The following CDKAL1 variants were observed in gnomAD, a reference collection of about 807,000 sequenced individuals.
The protein encoded by CDKAL1 is CDKAL1 threonylcarbamoyladenosine tRNA methylthiotransferase.
Under a neutral mutation model 68.2 loss-of-function variants are expected in CDKAL1, and 32 were observed. The observed-to-expected ratio is 0.47, with a 90% CI of 0.35 to 0.63. CDKAL1 has a LOEUF of 0.63. Ranked by LOEUF, CDKAL1 falls within the 30% of genes least tolerant of loss-of-function variation. The pLI is 0.00. For missense variants in CDKAL1, 606 were observed against 696.7 expected (o/e 0.87, Z 1.47); for synonymous variants, 234 against 244.3 (o/e 0.96, Z 0.39).
chr6:20,776,104 A>T (rs555244181), intron 7 of CDKAL1, among the ~76,000 whole-genome samples: 6 of 152,276 alleles, frequency 3.9e-5, no homozygotes, highest in African/African-American at 1.4e-4. Context: ...CTTTATTTGC[A>T]TGTAGATAGT....
At chr6:20,989,937 GAAT>G (rs941050253) in intron 10 of CDKAL1, among the ~76,000 whole-genome samples, 1 of 152,026 alleles carries the variant, frequency 6.6e-6, no homozygotes, top group African/African-American at 2.4e-5. Context: ...TAACAGAGCA[GAAT>G]AATAATTTAA....
At chr6:21,217,282 G>A (rs575597077) in intron 15 of CDKAL1, among the ~76,000 whole-genome samples, 76 of 122,888 alleles carry the variant, frequency 6.2e-4, no homozygotes, top group Non-Finnish European at 1.0e-3. Flanking sequence ...TTGATGTTTA[G>A]GATTTCTTTT....
intron 9 of CDKAL1, among the ~76,000 whole-genome samples, chr6:20,919,873 C>G (rs1762871795): frequency 6.6e-6 from 1 of 152,130 alleles, no homozygotes; most frequent in South Asian, 2.1e-4. Context: ...ACCAACAAAC[C>G]TAAGTTCTGA....
At chr6:20,913,184 A>C in intron 9 of CDKAL1, among the ~76,000 whole-genome samples, 1 of 150,744 alleles carries the variant, frequency 6.6e-6, no homozygotes, top group African/African-American at 2.5e-5. Flanking sequence ...GAAGCTTAAA[A>C]CAACCCATAT....
chr6:21,155,121 A>G (rs1345653223), intron 13 of CDKAL1, among the ~76,000 whole-genome samples: 1 of 152,056 alleles, frequency 6.6e-6, no homozygotes, highest in African/African-American at 2.4e-5. Flanking sequence ...TACCACATTT[A>G]TTACAATATA....
chr6:20,695,114 G>T (rs994988773), intron 5 of CDKAL1, among the ~76,000 whole-genome samples: 1 of 151,868 alleles, frequency 6.6e-6, no homozygotes, highest in East Asian at 1.9e-4. Flanking sequence ...TTAATGCAGT[G>T]CTGCTGCTTT....
At chr6:20,730,427 GAAGAAAGAAAGAGAAAGAA>G (rs1772860266) in intron 5 of CDKAL1, among the ~76,000 whole-genome samples, 1 of 139,138 alleles carries the variant, frequency 7.2e-6, no homozygotes, top group Non-Finnish European at 1.6e-5. Flanking sequence ...GAAAAGAAAG[GAAGAAAGAAAGAGAAAGAA>G]AAGAAAGAAA....
chr6:20,814,024 G>A (rs1356548389), intron 8 of CDKAL1, among the ~76,000 whole-genome samples: 1 of 151,834 alleles, frequency 6.6e-6, no homozygotes, highest in Non-Finnish European at 1.5e-5. Flanking sequence ...GGGAGAATTG[G>A]CATCTTTACA....
chr6:20,879,757 A>G (rs1369134809), intron 9 of CDKAL1, among the ~76,000 whole-genome samples: 3 of 152,058 alleles, frequency 2.0e-5, no homozygotes, highest in Admixed American at 6.6e-5. Flanking sequence ...TCTGGTTCCT[A>G]TTCTGTGTGG....
rs187825139 is a variant in CDKAL1 at position 20,644,460 on chromosome 6, G to A, written c.287-4833G>A. 2.7e-3 allele frequency among the ~76,000 whole-genome samples: 416 copies of A among 152,178 alleles called. 5 individuals carry two copies. The highest frequency in any genetic ancestry group is 9.3e-3 in the African/African-American group (386 of 41,532). On this transcript the variant is annotated intron_variant, in intron 4 of 15. Coordinates refer to ENST00000274695, the MANE Select transcript of CDKAL1 (RefSeq NM_017774.3). ...TGGAAGGCTGAGGTGGGCGGATCAC[G>A]AGATCAGGAGATTGAGACCATCCTG...
rs531591997 is a variant in CDKAL1, at chr6:20,668,466, G to C, written c.371+19089G>C. On this transcript the variant is annotated intron_variant, in intron 5 of 15. Transcript: ENST00000274695. ...TCTGCCTCAGCCTCCTGAGTAGCTGGGACTACAGGCATGTGCTACTGCGCC... is the reference window on the plus strand; with the variant it reads ...TCTGCCTCAGCCTCCTGAGTAGCTGCGACTACAGGCATGTGCTACTGCGCC... 5.3e-5 allele frequency among the ~76,000 whole-genome samples: 8 copies of C among 152,218 alleles called. No homozygotes were observed. The South Asian group carries it at 1.7e-3, about 32-fold the overall frequency.
At chr6:20,793,284 C>T (rs1581591372) in intron 8 of CDKAL1, among the ~76,000 whole-genome samples, 1 of 152,114 alleles carries the variant, frequency 6.6e-6, no homozygotes, top group Non-Finnish European at 1.5e-5. Context: ...TTAAAATTTT[C>T]CTACCTTAAT....
intron 4 of CDKAL1, among the ~76,000 whole-genome samples, chr6:20,609,971 C>T (rs1447334720): frequency 6.6e-6 from 1 of 152,122 alleles, no homozygotes; most frequent in Non-Finnish European, 1.5e-5. Flanking sequence ...CGTTGTTCCC[C>T]TCTATGTGTC....
At chr6:21,221,356 G>A (rs932814068) in intron 15 of CDKAL1, among the ~76,000 whole-genome samples, 1 of 151,762 alleles carries the variant, frequency 6.6e-6, no homozygotes, top group Admixed American at 6.6e-5. Context: ...AGCCTCCCGA[G>A]TAGCTGGGAC....
chr6:21,076,020 A>G (rs891030862), intron 12 of CDKAL1, among the ~76,000 whole-genome samples: 1 of 152,166 alleles, frequency 6.6e-6, no homozygotes, highest in East Asian at 1.9e-4. Flanking sequence ...CCAGAGAGTA[A>G]AGGCAATATC....
At chr6:20,821,073 T>C (rs1581643968) in intron 8 of CDKAL1, among the ~76,000 whole-genome samples, 1 of 151,072 alleles carries the variant, frequency 6.6e-6, no homozygotes, top group Non-Finnish European at 1.5e-5. Flanking sequence ...GGCCTTGGGG[T>C]GGAAAAGCAA....
intron 5 of CDKAL1, among the ~76,000 whole-genome samples, chr6:20,679,892 T>C (rs75592029): frequency 0.099 from 15,084 of 152,146 alleles, 2,408 homozygotes; most frequent in African/African-American, 0.34. Flanking sequence ...CAGGTACTGG[T>C]TGACCCTTTT....
chr6:20,546,210 C>A, intron 2 of CDKAL1, 136 bp from the exon 3 acceptor site: 1 of 613,100 alleles, frequency 1.6e-6, no homozygotes, highest in Non-Finnish European at 2.8e-6. Context: ...GTTTCTTTAT[C>A]TCTTGTATTT....
chr6:20,852,632 G>A (rs1274791973), intron 9 of CDKAL1, among the ~76,000 whole-genome samples: 1 of 152,262 alleles, frequency 6.6e-6, no homozygotes, highest in Non-Finnish European at 1.5e-5. Flanking sequence ...AAGATTAATC[G>A]CTGTGACTTC....
Sources: allele counts gnomAD v4.1 joint callset (sites outside exome capture counted in the v4.1 genomes callset), GRCh38; gene constraint gnomAD v4.1.1; transcripts MANE v1.5; gene names NCBI Gene and HGNC (gene_info 2026-07-23, HGNC 2026-07-21).